The following AGBL4 variants were observed in gnomAD, a reference collection of about 807,000 sequenced individuals.
AGBL4 encodes AGBL carboxypeptidase 4, also known as cytosolic carboxypeptidase 6.
AGBL4 carries 58 observed loss-of-function variants against 66.4 expected under a neutral mutation model. The observed-to-expected ratio is 0.87, with a 90% CI of 0.71 to 1.09. AGBL4 has a LOEUF of 1.09. Ranked by LOEUF, AGBL4 falls within the 50% of genes least tolerant of loss-of-function variation. The pLI is 0.00. For synonymous variants in AGBL4, 234 were observed against 222.9 expected (o/e 1.05, Z -0.44); for missense variants, 579 against 631.0 (o/e 0.92, Z 0.88).
chr1:49,767,141 C>T (rs1652788604), intron 2 of AGBL4, among the ~76,000 whole-genome samples: 1 of 152,028 alleles, frequency 6.6e-6, no homozygotes, highest in African/African-American at 2.4e-5. Context: ...TGCCAATCAA[C>T]CAAAGAATAT....
intron 5 of AGBL4, among the ~76,000 whole-genome samples, chr1:49,016,536 T>C (rs1456966701): frequency 6.6e-6 from 1 of 152,114 alleles, no homozygotes; most frequent in East Asian, 1.9e-4. Flanking sequence ...AGAAAGCACA[T>C]TCTAGCTGGG....
rs188851415 is a variant in AGBL4 at position 48,790,886 on chromosome 1, C to T, written c.634+76305G>A. Among the ~76,000 whole-genome samples the T allele has an allele frequency of 5.3e-3, 812 of 152,154 alleles. 9 individuals are homozygous for T. Among genetic ancestry groups the T allele is most frequent in the Non-Finnish European group, 6.5e-3 (444 of 67,996 alleles). On this transcript the variant is annotated intron_variant, in intron 6 of 13. Transcript: ENST00000371839. Reference sequence around the variant, plus strand: ...GGATTGAGCCCAGGTTCAAGACCAGCCTGGGCAACATTACAAGACCTTATA... The same window carrying T: ...GGATTGAGCCCAGGTTCAAGACCAGTCTGGGCAACATTACAAGACCTTATA...
chr1:49,797,770 T>A (rs943108341), intron 2 of AGBL4, among the ~76,000 whole-genome samples: 1 of 152,186 alleles, frequency 6.6e-6, no homozygotes, highest in South Asian at 2.1e-4. Flanking sequence ...TTTCTTTTTT[T>A]TTTCTTTTCT....
At chr1:49,339,790 G>T (rs1645502572) in intron 3 of AGBL4, among the ~76,000 whole-genome samples, 1 of 152,088 alleles carries the variant, frequency 6.6e-6, no homozygotes, top group South Asian at 2.1e-4. Context: ...AGAGCTAAGG[G>T]CATTATTATT....
At chr1:48,701,022 A>C (rs1446033863) in intron 6 of AGBL4, among the ~76,000 whole-genome samples, 2 of 152,062 alleles carry the variant, frequency 1.3e-5, no homozygotes. Context: ...GTGCAGCGTG[A>C]ACATTCTGGG....
chr1:49,855,430 T>C (rs1453749145), intron 1 of AGBL4, among the ~76,000 whole-genome samples: 3 of 152,176 alleles, frequency 2.0e-5, no homozygotes, highest in South Asian at 2.1e-4. Context: ...GAACATTTCA[T>C]CCAAAAGCTG....
intron 2 of AGBL4, among the ~76,000 whole-genome samples, chr1:49,819,710 A>G (rs1176675596): frequency 6.6e-6 from 1 of 152,144 alleles, no homozygotes. Context: ...CCACCCACAC[A>G]CCATACGCTC....
At chr1:49,661,666 T>C (rs1646272144) in intron 3 of AGBL4, among the ~76,000 whole-genome samples, 1 of 152,138 alleles carries the variant, frequency 6.6e-6, no homozygotes, top group African/African-American at 2.4e-5. Flanking sequence ...AAAGTATTCC[T>C]TTATAGCAAT....
intron 2 of AGBL4, among the ~76,000 whole-genome samples, chr1:49,828,634 A>T (rs1300840070): frequency 6.6e-6 from 1 of 152,218 alleles, no homozygotes; most frequent in Non-Finnish European, 1.5e-5. Flanking sequence ...AGTCAGGATA[A>T]GAAGTTCACA....
chr1:48,992,707 T>C (rs1660695864), intron 5 of AGBL4, among the ~76,000 whole-genome samples: 1 of 152,112 alleles, frequency 6.6e-6, no homozygotes, highest in Non-Finnish European at 1.5e-5. Flanking sequence ...GATGAAGTTC[T>C]TCCCATCCTT....
chr1:49,845,337 T>A, intron 2 of AGBL4: 1 of 1,474,560 alleles, frequency 6.8e-7, no homozygotes, highest in African/African-American at 1.4e-5. Flanking sequence ...ATGAGTGCAG[T>A]GTATGTGGGA....
At chr1:48,993,277 C>T (rs982586302) in intron 5 of AGBL4, among the ~76,000 whole-genome samples, 6 of 152,156 alleles carry the variant, frequency 3.9e-5, no homozygotes, top group African/African-American at 1.2e-4. Context: ...CTAGAAATGT[C>T]ATCTGGGCAC....
chr1:48,749,468 T>C (rs1177991153), intron 6 of AGBL4, among the ~76,000 whole-genome samples: 1 of 152,186 alleles, frequency 6.6e-6, no homozygotes, highest in African/African-American at 2.4e-5. Context: ...AGTAGTAAAG[T>C]AACTTGCCAG....
intron 5 of AGBL4, among the ~76,000 whole-genome samples, chr1:48,942,539 T>C (rs1363254177): frequency 6.6e-6 from 1 of 152,244 alleles, no homozygotes; most frequent in South Asian, 2.1e-4. Context: ...GTCTGGCATA[T>C]AAGCAGATGC....
intron 4 of AGBL4, among the ~76,000 whole-genome samples, chr1:49,222,662 T>C (rs1649588581): frequency 6.6e-6 from 1 of 152,174 alleles, no homozygotes; most frequent in Non-Finnish European, 1.5e-5. Context: ...GAAAGCCAAC[T>C]GTACATTAGA....
chr1:49,890,202 C>CA (rs1241381927), intron 1 of AGBL4, among the ~76,000 whole-genome samples: 2 of 152,104 alleles, frequency 1.3e-5, no homozygotes, highest in East Asian at 1.9e-4. Flanking sequence ...GAGGCTTAAA[C>CA]GGTTAACTTT....
At chr1:49,709,218 G>T (rs189484265) in intron 2 of AGBL4, among the ~76,000 whole-genome samples, 1 of 152,198 alleles carries the variant, frequency 6.6e-6, no homozygotes, top group Non-Finnish European at 1.5e-5. Flanking sequence ...ATAAGCCCCC[G>T]ACTGGGGCTG....
At chr1:49,051,847 A>C (rs1403387067) in intron 4 of AGBL4, among the ~76,000 whole-genome samples, 1 of 152,104 alleles carries the variant, frequency 6.6e-6, no homozygotes, top group Non-Finnish European at 1.5e-5. Context: ...AGGGAGAGGG[A>C]GAAAGAGTAA....
At chr1:48,575,210 C>G (rs1334680182) in intron 11 of AGBL4, among the ~76,000 whole-genome samples, 1 of 152,038 alleles carries the variant, frequency 6.6e-6, no homozygotes, top group African/African-American at 2.4e-5. Context: ...TGTCCAATAC[C>G]CAGTATTCCA....
Sources: allele counts gnomAD v4.1 joint callset (sites outside exome capture counted in the v4.1 genomes callset), GRCh38; gene constraint gnomAD v4.1.1; transcripts MANE v1.5; gene names NCBI Gene and HGNC (gene_info 2026-07-23, HGNC 2026-07-21).